The following FAM174A variants were observed in gnomAD, a reference collection of about 807,000 sequenced individuals.
FAM174A encodes family with sequence similarity 174 member A, also known as membrane protein FAM174A.
Under a neutral mutation model 14.3 loss-of-function variants are expected in FAM174A, and 14 were observed. The observed-to-expected ratio is 0.98, with a 90% CI of 0.65 to 1.53. The LOEUF is 1.53. FAM174A is among the 40% of genes most tolerant of loss of function. The pLI is 0.00. For missense variants in FAM174A, 241 were observed against 249.6 expected (o/e 0.97, Z 0.23); for synonymous variants, 108 against 111.4 (o/e 0.97, Z 0.19).
At chr5:100,576,949 A>G (rs1561324076) in intron 2 of FAM174A, among the ~76,000 whole-genome samples, 1 of 152,202 alleles carries the variant, frequency 6.6e-6, no homozygotes, top group Admixed American at 6.5e-5. Context: ...CAGAGGCCGC[A>G]TATGCTGACT....
intron 2 of FAM174A, among the ~76,000 whole-genome samples, chr5:100,569,009 A>G (rs1279474468): frequency 6.6e-6 from 1 of 151,966 alleles, no homozygotes; most frequent in Non-Finnish European, 1.5e-5. Flanking sequence ...ACTTAAACAC[A>G]CACAAAAATA....
At chr5:100,570,835 T>TATTGC (rs1746763322) in intron 2 of FAM174A, among the ~76,000 whole-genome samples, 1 of 152,004 alleles carries the variant, frequency 6.6e-6, no homozygotes, top group South Asian at 2.1e-4. Flanking sequence ...GTTTTTTTGA[T>TATTGC]ATTGCTTGTT....
intron 1 of FAM174A, among the ~76,000 whole-genome samples, chr5:100,538,625 C>T (rs1439936562): frequency 2.6e-5 from 4 of 151,994 alleles, no homozygotes; most frequent in African/African-American, 7.2e-5. Context: ...GTCTTATTCT[C>T]CCCTATATCC....
intron 1 of FAM174A, among the ~76,000 whole-genome samples, chr5:100,542,801 T>G (rs894531452): frequency 3.9e-5 from 6 of 152,084 alleles, no homozygotes; most frequent in Admixed American, 2.6e-4. Context: ...TGAGACCAGC[T>G]TGGGCAATAT....
At chr5:100,540,021 A>G (rs1345541758) in intron 1 of FAM174A, among the ~76,000 whole-genome samples, 1 of 152,130 alleles carries the variant, frequency 6.6e-6, no homozygotes, top group East Asian at 1.9e-4. Flanking sequence ...TTTACTACAC[A>G]TAGTCAGGGA....
intron 1 of FAM174A, among the ~76,000 whole-genome samples, chr5:100,556,980 T>C (rs1197710784): frequency 6.6e-6 from 1 of 152,210 alleles, no homozygotes; most frequent in Non-Finnish European, 1.5e-5. Flanking sequence ...CAACACTATG[T>C]TGAATAGGAG....
At position 100,580,571 on chromosome 5, in the gene FAM174A, A is replaced by T. The variant is rs139978087; in HGVS notation, c.570-5610A>T. On this transcript the variant is annotated intron_variant, in intron 2 of 2. Transcript: ENST00000312637. ...TCTCTCACATTTTTCTGCCGCGTAT[A>T]TTCTAGCCATGCTGGCGCTGATTAG... 9.2e-5 allele frequency among the ~76,000 whole-genome samples: 14 copies of T among 152,318 alleles called. No individual in the cohort carries two copies. The East Asian group carries it at 2.3e-3, about 25-fold the overall frequency.
At chr5:100,548,399 G>GTTA (rs956160300) in intron 1 of FAM174A, among the ~76,000 whole-genome samples, 5 of 151,760 alleles carry the variant, frequency 3.3e-5, no homozygotes, top group East Asian at 1.9e-4. Context: ...TAGCTGCCAA[G>GTTA]TTATTATTAT....
chr5:100,585,831 A>T (rs966502211), intron 2 of FAM174A, among the ~76,000 whole-genome samples: 6 of 152,224 alleles, frequency 3.9e-5, no homozygotes, highest in South Asian at 2.1e-4. Flanking sequence ...GGTACTATGC[A>T]GTTCAAACCC....
chr5:100,561,128 A>T (rs1195365711), intron 1 of FAM174A, among the ~76,000 whole-genome samples: 4 of 151,950 alleles, frequency 2.6e-5, no homozygotes, highest in Admixed American at 2.6e-4. Flanking sequence ...AATTAAGGTA[A>T]ATGATTTGAA....
At chr5:100,576,526 A>AT (rs1746909750) in intron 2 of FAM174A, among the ~76,000 whole-genome samples, 2 of 152,038 alleles carry the variant, frequency 1.3e-5, no homozygotes. Context: ...TCTTATTTTT[A>AT]TTTTTTTCAC....
At chr5:100,559,432 C>T (rs1309750798) in intron 1 of FAM174A, among the ~76,000 whole-genome samples, 1 of 151,930 alleles carries the variant, frequency 6.6e-6, no homozygotes, top group Non-Finnish European at 1.5e-5. Context: ...TTGCTCTTCT[C>T]GAGGAGTATC....
chr5:100,586,351 T>C lies in FAM174A; in HGVS notation c.*167T>C, dbSNP rs906887016. On this transcript the variant is annotated 3_prime_UTR_variant, in exon 3 of 3. Coordinates refer to ENST00000312637, the MANE Select transcript of FAM174A (RefSeq NM_198507.3). ...CAATAAATACCGTATCCTTTTATTA[T>C]ATCTTTATATGTATAGAAGTACTCT... 7.1e-6 allele frequency: 3 copies of C among 424,030 alleles called. No homozygotes were observed. Among genetic ancestry groups the C allele is most frequent in the Admixed American group, 4.2e-5 (1 of 23,556 alleles). 26.3% of individuals were successfully genotyped at this position (424,030 alleles called of 1,614,324 possible).
At chr5:100,572,250 CT>C (rs1222146190) in intron 2 of FAM174A, among the ~76,000 whole-genome samples, 1,955 of 109,272 alleles carry the variant, frequency 0.018, 28 homozygotes, top group African/African-American at 0.052. Context: ...TTTTTTACGT[CT>C]TTTTTTTTTT....
At chr5:100,576,648 G>C (rs574188028) in intron 2 of FAM174A, among the ~76,000 whole-genome samples, 2 of 152,104 alleles carry the variant, frequency 1.3e-5, no homozygotes, top group Non-Finnish European at 2.9e-5. Context: ...TGGATATTGA[G>C]TAGCTAACCA....
chr5:100,547,397 A>G (rs1746185084), intron 1 of FAM174A, among the ~76,000 whole-genome samples: 1 of 152,080 alleles, frequency 6.6e-6, no homozygotes, highest in Admixed American at 6.6e-5. Context: ...GATTGGCCAC[A>G]CCTCCACAGA....
chr5:100,584,492 T>C (rs1371553335), intron 2 of FAM174A, among the ~76,000 whole-genome samples: 1 of 152,174 alleles, frequency 6.6e-6, no homozygotes, highest in South Asian at 2.1e-4. Flanking sequence ...AGCTTGACAA[T>C]TTTTTTAAGC....
chr5:100,584,442 G>A lies in FAM174A; in HGVS notation c.570-1739G>A, dbSNP rs1055837906. ...TTCTCAGTGGTTTCTGGGGACTCTG[G>A]TCTGTTGCCTCTTGGTCAACAGAAG... On this transcript the variant is annotated intron_variant, in intron 2 of 2. Coordinates refer to ENST00000312637, the MANE Select transcript of FAM174A (RefSeq NM_198507.3). 7.9e-5 allele frequency among the ~76,000 whole-genome samples: 12 copies of A among 152,130 alleles called. 1 individual carries two copies. The highest frequency in any genetic ancestry group is 4.4e-5 in the Non-Finnish European group (3 of 67,966).
chr5:100,550,954 C>T (rs770246123), intron 1 of FAM174A, among the ~76,000 whole-genome samples: 2 of 151,914 alleles, frequency 1.3e-5, no homozygotes, highest in Non-Finnish European at 2.9e-5. Flanking sequence ...GAAAGATGAG[C>T]CATCCTGTGC....
Sources: gnomAD v4.1 joint callset for allele counts (sites outside exome capture counted in the v4.1 genomes callset) on GRCh38, gnomAD v4.1.1 for gene constraint, MANE v1.5 for transcripts, NCBI Gene and HGNC (gene_info 2026-07-23, HGNC 2026-07-21) for gene names.